Variants in KDM4B observed in about 807,000 individuals in gnomAD.
KDM4B encodes the protein lysine-specific demethylase 4B.
KDM4B carries 32 observed loss-of-function variants against 125.2 expected under a neutral mutation model. The ratio of observed to expected loss-of-function variants is 0.26; its 90% CI spans 0.19 to 0.34. The LOEUF (loss-of-function observed/expected upper bound fraction) is 0.34, where lower values mean the gene tolerates loss of function less well. Among genes scored for constraint, KDM4B ranks in the 10% least tolerant of loss-of-function variants. KDM4B has a pLI of 1.00. For missense variants in KDM4B, 1,190 were observed against 1,577.7 expected, an observed-to-expected ratio of 0.75 and a Z score of 4.16; for synonymous variants, 721 against 677.9, an observed-to-expected ratio of 1.06 and a Z score of -0.99.
At position 5,138,002 on chromosome 19, in the gene KDM4B, C is replaced by A. The variant is rs752309644; in HGVS notation, c.2482C>A (p.Arg828Ser). The change falls in exon 18 of 23, where the codon CGC becomes AGC. Residue 828 changes from arginine (R) to serine (S), a missense_variant. Physicochemically the swap from Arg to Ser is moderately radical, Grantham distance 110. Around this residue, in one of 7 missense-constraint regions of KDM4B, gnomAD observed 298 missense variants for 439.7 expected, o/e 0.68. Transcript: ENST00000159111. ...CTGTGCCATCGCAGTCCCCGAGGCG[C>A]GCTTCCTGAACGTGATTGAGCGCCA... The part of the protein sequence containing the change: ...VICAIAVPEA[R>S]FLNVIERHPV... 2 of 1,612,752 alleles carry A rather than the reference C, an allele frequency of 1.2e-6. No homozygotes were observed. The highest frequency in any genetic ancestry group is 1.3e-5 in the African/African-American group (1 of 75,042).
In KDM4B at chr19:5,134,132, C is replaced by T. The variant is rs980222428; in HGVS notation, c.2085+71C>T. 5 of 1,412,672 alleles carry T rather than the reference C, an allele frequency of 3.5e-6. No homozygotes were observed. In the African/African-American group the frequency reaches 7.1e-5, roughly 20 times the overall value. The allele number at this position is 1,412,672 out of a possible 1,614,324, so 87.5% of individuals were successfully genotyped here. On this transcript the variant is annotated intron_variant, in intron 14 of 22. Transcript: ENST00000159111. ...CGGTGGGAGAGGGCGAGGGACCGGG[C>T]ACCCCACACGCCTCCCTCTCTCACG...
intron 1 of KDM4B, among the ~76,000 whole-genome samples, chr19:5,009,038 C>T (rs772457787): frequency 6.6e-6 from 1 of 151,350 alleles, no homozygotes; most frequent in South Asian, 2.1e-4. Flanking sequence ...CCTCAGCTTC[C>T]TGAGTAGCTG....
chr19:5,002,547 T>C (rs764270748), intron 1 of KDM4B, among the ~76,000 whole-genome samples: 1 of 151,738 alleles, frequency 6.6e-6, no homozygotes, highest in South Asian at 2.1e-4. Context: ...CAAGACGAGG[T>C]CTTACTATGT....
At chr19:5,132,381 T>C (rs1688003787) in intron 13 of KDM4B, among the ~76,000 whole-genome samples, 2 of 152,140 alleles carry the variant, frequency 1.3e-5, no homozygotes, top group South Asian at 4.1e-4. Context: ...GGGGAGGAGA[T>C]GGAATCTTCG....
chr19:4,988,412 A>T (rs2034918416), intron 1 of KDM4B, among the ~76,000 whole-genome samples: 1 of 151,988 alleles, frequency 6.6e-6, no homozygotes, highest in African/African-American at 2.4e-5. Flanking sequence ...AGTAGCTGGG[A>T]CTACAGGTGC....
At chr19:5,144,526 C>T in intron 20 of KDM4B, 114 bp downstream of exon 20, 2 of 858,314 alleles carry the variant, frequency 2.3e-6, no homozygotes, top group South Asian at 5.5e-5. Flanking sequence ...CTAGGAGTGG[C>T]CTGACTCCAG....
chr19:5,092,164 A>G (rs922828194), intron 9 of KDM4B, among the ~76,000 whole-genome samples: 8 of 150,188 alleles, frequency 5.3e-5, no homozygotes, highest in African/African-American at 1.8e-4. Flanking sequence ...CTAGGAGAGG[A>G]GTGGTCTGGA....
At chr19:5,140,440 AAAG>A (rs1386996258) in intron 18 of KDM4B, 3 of 152,422 alleles carry the variant, frequency 2.0e-5, no homozygotes, top group African/African-American at 7.2e-5. Flanking sequence ...CCTGGCCCAG[AAAG>A]AAGATGAGGA....
At chr19:5,129,087 G>A (rs1324841441) in intron 11 of KDM4B, among the ~76,000 whole-genome samples, 1 of 152,214 alleles carries the variant, frequency 6.6e-6, no homozygotes, top group Admixed American at 6.5e-5. Context: ...CTGCTCGCCT[G>A]TCCTTCTTGA....
At chr19:4,993,504 T>C (rs1286370573) in intron 1 of KDM4B, among the ~76,000 whole-genome samples, 2 of 152,230 alleles carry the variant, frequency 1.3e-5, no homozygotes, top group South Asian at 2.1e-4. Context: ...CTTCATGTAT[T>C]TTGGGGCTCT....
At chr19:5,015,961 G>A (rs376629398) in intron 1 of KDM4B, among the ~76,000 whole-genome samples, 3 of 152,192 alleles carry the variant, frequency 2.0e-5, no homozygotes, top group African/African-American at 7.2e-5. Flanking sequence ...AGGTGTCTGC[G>A]TCTTAAGGCC....
At chr19:5,095,241 G>GT (rs1171451067) in intron 9 of KDM4B, among the ~76,000 whole-genome samples, 1 of 152,202 alleles carries the variant, frequency 6.6e-6, no homozygotes. Flanking sequence ...GGGGCTGGGA[G>GT]TTGGCGCTGC....
At chr19:5,070,963 G>T in intron 6 of KDM4B, 47 bp from the exon 7 acceptor site, 3 of 1,608,578 alleles carry the variant, frequency 1.9e-6, no homozygotes, top group Non-Finnish European at 1.7e-6. Context: ...ACCCCCTTGC[G>T]TGGCTGCCAC....
chr19:5,015,070 G>C (rs990921238), intron 1 of KDM4B, among the ~76,000 whole-genome samples: 2 of 152,082 alleles, frequency 1.3e-5, no homozygotes, highest in East Asian at 3.9e-4. Context: ...TGGGCCTGCC[G>C]AGGGGACCTT....
chr19:5,001,215 A>G (rs1023498481), intron 1 of KDM4B, among the ~76,000 whole-genome samples: 1 of 151,734 alleles, frequency 6.6e-6, no homozygotes, highest in Non-Finnish European at 1.5e-5. Flanking sequence ...TTATGTTTTT[A>G]TAGAGAAATA....
intron 6 of KDM4B, among the ~76,000 whole-genome samples, chr19:5,053,013 C>T (rs2037281235): frequency 1.3e-5 from 2 of 152,366 alleles, no homozygotes; most frequent in South Asian, 4.1e-4. Context: ...TGGGTGGCCG[C>T]AGAGACAGCT....
At chr19:5,034,495 G>T (rs558692681) in intron 3 of KDM4B, among the ~76,000 whole-genome samples, 1 of 152,318 alleles carries the variant, frequency 6.6e-6, no homozygotes, top group African/African-American at 2.4e-5. Context: ...TTGTTTTCAC[G>T]TCTTCTGCTT....
At chr19:5,077,515 C>T (rs374103654) in intron 8 of KDM4B, 45 bp downstream of exon 8, 38 of 1,535,126 alleles carry the variant, frequency 2.5e-5, no homozygotes, top group Admixed American at 1.3e-4. Flanking sequence ...AAGTGGGTAC[C>T]GGGTCCAAGC....
At position 5,068,579 on chromosome 19, in the gene KDM4B, T is replaced by C. The variant is rs528344321; in HGVS notation, c.627-2431T>C. On this transcript the variant is annotated intron_variant, in intron 6 of 22. Coordinates refer to ENST00000159111, the MANE Select transcript of KDM4B (RefSeq NM_015015.3). ...AACTGAGGTTTTTCTTCCGCCTGTG[T>C]CCTTGGGGGTGGCCGGGAGGCAGGT... is the stretch of plus-strand genomic sequence containing the variant. 5.3e-4 allele frequency among the ~76,000 whole-genome samples: 81 copies of C among 152,372 alleles called. 1 individual carries two copies. The highest frequency in any genetic ancestry group is 1.7e-3 in the African/African-American group (69 of 41,594).
Sources: allele counts gnomAD v4.1 joint callset (sites outside exome capture counted in the v4.1 genomes callset), GRCh38; gene constraint gnomAD v4.1.1; regional missense constraint gnomAD v4.1.1; transcripts MANE v1.5; gene names NCBI Gene and HGNC (gene_info 2026-07-23, HGNC 2026-07-21).